The following RFC3 variants were observed in gnomAD, a reference collection of about 807,000 sequenced individuals.
RFC3 encodes the protein replication factor C subunit 3.
Under a neutral mutation model 45.1 loss-of-function variants are expected in RFC3, and 41 were observed. The observed-to-expected ratio is 0.91, with a 90% confidence interval of 0.71 to 1.18. The LOEUF is 1.18. RFC3 is among the 50% of genes most tolerant of loss of function. RFC3 has a pLI of 0.00. For synonymous variants in RFC3, 149 were observed against 144.0 expected (o/e 1.03, Z -0.25); for missense variants, 423 against 428.1 (o/e 0.99, Z 0.10).
In RFC3 at chr13:33,830,762, A is replaced by G; in HGVS notation, c.617A>G (p.Asn206Ser). ...LSTVCKKEGL[N>S]LPSQLAHRLA... The stretch of plus-strand genomic sequence containing the variant: ...ACTGTGTGTAAGAAGGAAGGTCTGA[A>G]TCTTCCTTCACAACTGGCTCATAGA... The change falls in exon 6 of 9, where the codon AAT (asparagine) becomes AGT (serine). Residue 206 changes from asparagine (N) to serine (S), a missense_variant. By Grantham distance (46) the Asn-to-Ser change is conservative. Coordinates refer to ENST00000380071, the MANE Select transcript of RFC3 (RefSeq NM_002915.4). 1 of 1,613,420 alleles carries G rather than the reference A, an allele frequency of 6.2e-7. No homozygotes were observed. Among genetic ancestry groups the G allele is most frequent in the South Asian group, 1.1e-5 (1 of 91,030 alleles).
At position 33,925,570 on chromosome 13, in the gene RFC3, A is replaced by G. The variant is rs571028259; in HGVS notation, c.880-40517A>G. 4.5e-5 allele frequency among the ~76,000 whole-genome samples: 5 copies of G among 110,740 alleles called. No individual in the cohort carries two copies. In the East Asian group the frequency reaches 1.1e-3, roughly 24 times the overall value. 72.6% of individuals were successfully genotyped at this position (110,740 alleles called of 152,430 possible). On this transcript the variant is annotated intron_variant, in intron 8 of 8. Transcript: ENST00000434425. ...TATATACATACATACATAGTGTACT[A>G]TATACATACATATATAGTGTACTAT...
chr13:33,948,319 G>A (rs1186672672), intron 8 of RFC3, among the ~76,000 whole-genome samples: 3 of 152,192 alleles, frequency 2.0e-5, no homozygotes, highest in Non-Finnish European at 4.4e-5. Context: ...GCCTGTGGGT[G>A]CACAGAAGTC....
At chr13:33,871,876 A>G (rs2082412359) in intron 8 of RFC3, among the ~76,000 whole-genome samples, 1 of 152,232 alleles carries the variant, frequency 6.6e-6, no homozygotes, top group African/African-American at 2.4e-5. Context: ...TAGTAAAAGC[A>G]AAACATTTAA....
downstream of RFC3, among the ~76,000 whole-genome samples, chr13:33,968,356 G>A (rs1169222637): frequency 4.6e-5 from 7 of 152,144 alleles, no homozygotes; most frequent in East Asian, 3.9e-4. Context: ...TCAAACTCCC[G>A]ACCTCAAGTG....
At chr13:33,845,956 G>C (rs955134825) in intron 8 of RFC3, among the ~76,000 whole-genome samples, 1 of 152,182 alleles carries the variant, frequency 6.6e-6, no homozygotes, top group Non-Finnish European at 1.5e-5. Context: ...TGTGATCTAA[G>C]TCTGGTTACT....
intron 8 of RFC3, among the ~76,000 whole-genome samples, chr13:33,906,919 C>A (rs1285247335): frequency 6.6e-6 from 1 of 152,016 alleles, no homozygotes; most frequent in Admixed American, 6.6e-5. Context: ...GCCTCTGTGT[C>A]CCGAGTTCAG....
chr13:33,871,029 G>T (rs1382490130), intron 8 of RFC3, among the ~76,000 whole-genome samples: 2 of 152,188 alleles, frequency 1.3e-5, no homozygotes, highest in Non-Finnish European at 2.9e-5. Context: ...GAGTGAACTA[G>T]TGGAGCCCTC....
chr13:33,974,358 G>A, the RFC3 span, among the ~76,000 whole-genome samples: 2 of 152,142 alleles, frequency 1.3e-5, no homozygotes, highest in Non-Finnish European at 2.9e-5. Context: ...TGGACACACT[G>A]CCCTGGCTCT....
intron 8 of RFC3, among the ~76,000 whole-genome samples, chr13:33,868,527 C>T (rs1203651571): frequency 6.6e-6 from 1 of 152,218 alleles, no homozygotes; most frequent in African/African-American, 2.4e-5. Flanking sequence ...CAAGTCTTCA[C>T]TTGTAACTTT....
chr13:33,973,401 G>T, the RFC3 span, among the ~76,000 whole-genome samples: 1 of 152,072 alleles, frequency 6.6e-6, no homozygotes, highest in South Asian at 2.1e-4. Context: ...ATTTATTTCT[G>T]CCTTCATTGA....
At chr13:33,839,932 C>T (rs191197389), downstream of RFC3, among the ~76,000 whole-genome samples, 981 of 152,226 alleles carry the variant, frequency 6.4e-3, 9 homozygotes, top group Non-Finnish European at 0.011. Context: ...TTTTCTTCCC[C>T]ATCTGTGTTT....
intron 8 of RFC3, among the ~76,000 whole-genome samples, chr13:33,962,654 C>T (rs1351835328): frequency 2.0e-5 from 3 of 152,146 alleles, no homozygotes; most frequent in Non-Finnish European, 2.9e-5. Context: ...ATCAGAATAA[C>T]ATTTTCTGGG....
At chr13:33,931,013 G>A (rs17749082) in intron 8 of RFC3, among the ~76,000 whole-genome samples, 14,567 of 151,816 alleles carry the variant, frequency 0.096, 955 homozygotes, top group Admixed American at 0.13. Context: ...CTTATGATTG[G>A]GGCAAATTTA....
intron 8 of RFC3, chr13:33,850,542 T>A (rs2137502560): frequency 6.6e-6 from 1 of 152,228 alleles, no homozygotes; most frequent in African/African-American, 2.4e-5. Context: ...TAAATTATGT[T>A]CTTGTAAAAT....
At chr13:33,935,110 A>G (rs9570616) in intron 8 of RFC3, among the ~76,000 whole-genome samples, 10,221 of 152,158 alleles carry the variant, frequency 0.067, 519 homozygotes, top group African/African-American at 0.15. Context: ...TTGAAATGTT[A>G]TAATATATTA....
chr13:33,900,886 T>C (rs1282338150), intron 8 of RFC3, among the ~76,000 whole-genome samples: 1 of 147,894 alleles, frequency 6.8e-6, no homozygotes, highest in Non-Finnish European at 1.5e-5. Context: ...GGACAAAAAA[T>C]GTGATTAGAC....
chr13:33,891,305 A>G (rs188832644), intron 8 of RFC3, among the ~76,000 whole-genome samples: 1 of 152,274 alleles, frequency 6.6e-6, no homozygotes, highest in African/African-American at 2.4e-5. Flanking sequence ...GTTTTAATGC[A>G]TTCTTTTTAT....
chr13:33,940,669 T>C (rs34005598), intron 8 of RFC3, among the ~76,000 whole-genome samples: 1 of 152,230 alleles, frequency 6.6e-6, no homozygotes, highest in Admixed American at 6.5e-5. Flanking sequence ...TATTTTATTG[T>C]TATTTAATGC....
chr13:33,913,628 C>G (rs1029328841), intron 8 of RFC3, among the ~76,000 whole-genome samples: 3 of 152,074 alleles, frequency 2.0e-5, no homozygotes, highest in Non-Finnish European at 4.4e-5. Context: ...TGAGATGACA[C>G]TACCTAGTTA....
Sources: allele counts gnomAD v4.1 joint callset (sites outside exome capture counted in the v4.1 genomes callset), GRCh38; gene constraint gnomAD v4.1.1; transcripts MANE v1.5; gene names NCBI Gene and HGNC (gene_info 2026-07-23, HGNC 2026-07-21).